DIS3L2: variants seen among roughly 807,000 people sequenced by gnomAD.
The protein encoded by DIS3L2 is DIS3-like exonuclease 2.
Under a neutral mutation model 97.5 loss-of-function variants are expected in DIS3L2, and 34 were observed. The observed-to-expected ratio is 0.35, with a 90% CI of 0.27 to 0.46. DIS3L2 has a LOEUF of 0.46. Among genes scored for constraint, DIS3L2 ranks in the 20% least tolerant of loss-of-function variants. DIS3L2 has a pLI of 1.00. For missense variants in DIS3L2, 1,038 were observed against 1,146.0 expected (o/e 0.91, Z 1.36); for synonymous variants, 435 against 445.2 (o/e 0.98, Z 0.29).
At chr2:232,042,803 C>T (rs1010320134) in intron 5 of DIS3L2, among the ~76,000 whole-genome samples, 19 of 152,178 alleles carry the variant, frequency 1.2e-4, no homozygotes, top group Non-Finnish European at 7.3e-5. Context: ...ATTTATTTCT[C>T]CTTAACCCCA....
chr2:232,172,463 A>G (rs556709351), intron 9 of DIS3L2, among the ~76,000 whole-genome samples: 2 of 152,342 alleles, frequency 1.3e-5, no homozygotes, highest in East Asian at 3.9e-4. Flanking sequence ...GTTGTTAAAT[A>G]TATCAGAACG....
At chr2:232,206,105 G>T (rs984982879) in intron 9 of DIS3L2, among the ~76,000 whole-genome samples, 1 of 152,176 alleles carries the variant, frequency 6.6e-6, no homozygotes, top group African/African-American at 2.4e-5. Flanking sequence ...GCAGTTCTTC[G>T]CATCTCCAAA....
intron 16 of DIS3L2, among the ~76,000 whole-genome samples, chr2:232,332,804 G>A: frequency 6.6e-6 from 1 of 152,226 alleles, no homozygotes; most frequent in East Asian, 1.9e-4. Context: ...GCACAGAGGT[G>A]CCCGGGTGAA....
At chr2:232,277,866 G>A (rs1056921695) in intron 13 of DIS3L2, among the ~76,000 whole-genome samples, 2 of 152,186 alleles carry the variant, frequency 1.3e-5, no homozygotes, top group Admixed American at 1.3e-4. Context: ...GCATGTGACT[G>A]TGCTGAATAC....
intron 8 of DIS3L2, among the ~76,000 whole-genome samples, chr2:232,155,018 C>T (rs1350870191): frequency 2.0e-5 from 3 of 149,290 alleles, no homozygotes; most frequent in Non-Finnish European, 3.0e-5. Context: ...CTCCCTGACC[C>T]CTTGCGCTTC....
chr2:232,333,878 A>G lies in DIS3L2; in HGVS notation c.2049A>G (p.Pro683=), dbSNP rs757277629. The change falls in exon 17 of 21, where the codon CCA becomes CCG. Residue 683 remains proline (P), a synonymous_variant. Transcript: ENST00000325385. ...TCTGCTCGGGGCTGCTGCAGGACCC[A>G]GCGCAGTTCCGGCACTACGCGCTCA... The part of the protein sequence containing the change: ...LYFCSGLLQD[P]AQFRHYALNV... 6.2e-6 allele frequency: 10 copies of G among 1,612,706 alleles called. No homozygotes were observed. The highest frequency in any genetic ancestry group is 1.7e-5 in the Admixed American group (1 of 59,990).
Position 232,333,870 on chromosome 2 carries a change from C to T in DIS3L2, c.2041C>T (p.Gln681Ter), listed in dbSNP as rs1695848013. The T allele has an allele frequency of 6.2e-7, 1 of 1,612,658 alleles. No homozygotes were observed. The highest frequency in any genetic ancestry group is 8.5e-7 in the Non-Finnish European group (1 of 1,179,810). Reference sequence around the variant, plus strand: ...ACTGTACTTCTGCTCGGGGCTGCTGCAGGACCCAGCGCAGTTCCGGCACTA... The same window carrying T: ...ACTGTACTTCTGCTCGGGGCTGCTGTAGGACCCAGCGCAGTTCCGGCACTA... Reference protein sequence around the residue: ...MALYFCSGLLQDPAQFRHYAL... With the variant: ...MALYFCSGLL The change falls in exon 17 of 21, where the codon CAG becomes TAG. Residue 681 changes from glutamine to a stop codon, truncating the protein, a stop_gained. Coordinates refer to ENST00000325385, the MANE Select transcript of DIS3L2 (RefSeq NM_152383.5). LOFTEE classifies it high-confidence loss of function.
In DIS3L2 at chr2:232,293,647, C is replaced by T. The variant is rs985248222; in HGVS notation, c.1660-6393C>T. 6.6e-6 allele frequency among the ~76,000 whole-genome samples: 1 copy of T among 152,184 alleles called. No homozygotes were observed. Among genetic ancestry groups the T allele is most frequent in the African/African-American group, 2.4e-5 (1 of 41,434 alleles). On this transcript the variant is annotated intron_variant, in intron 13 of 20. Coordinates refer to ENST00000325385, the MANE Select transcript of DIS3L2 (RefSeq NM_152383.5). The surrounding 1 kb of genome is among the most constrained non-coding windows in gnomAD (Gnocchi z 4.6). ...TCCTGTAAGACTCCTTCTGTCTGTC[C>T]TGAGGGCCTCCCTGGCTGGCACACC...
At chr2:231,986,299 A>G (rs1293999744) in intron 1 of DIS3L2, among the ~76,000 whole-genome samples, 4 of 152,170 alleles carry the variant, frequency 2.6e-5, no homozygotes, top group Admixed American at 2.0e-4. Flanking sequence ...TCCCTTTCAT[A>G]TATGCATATA....
rs908689259 is a variant in DIS3L2, at chr2:232,235,484, G to A, written c.1205-3049G>A. On this transcript the variant is annotated intron_variant, in intron 10 of 20. Coordinates refer to ENST00000325385, the MANE Select transcript of DIS3L2 (RefSeq NM_152383.5). ...GAGAATAAGAGAGCTTCTCTTTGCT[G>A]GTTTCAGAGGCTCTGCTGGGAATTC... 1.1e-4 allele frequency among the ~76,000 whole-genome samples: 16 copies of A among 152,176 alleles called. 1 individual carries two copies. Among genetic ancestry groups the A allele is most frequent in the South Asian group, 8.3e-4 (4 of 4,826 alleles).
chr2:232,311,011 T>C (rs998947830), intron 14 of DIS3L2, among the ~76,000 whole-genome samples: 1 of 152,160 alleles, frequency 6.6e-6, no homozygotes, highest in Non-Finnish European at 1.5e-5. Flanking sequence ...AGGGACAGAG[T>C]CTGAAGTCAT....
At chr2:232,082,067 A>G (rs1425550070) in intron 5 of DIS3L2, among the ~76,000 whole-genome samples, 4 of 152,120 alleles carry the variant, frequency 2.6e-5, no homozygotes, top group African/African-American at 4.8e-5. Context: ...TGGGATTGCA[A>G]GCATGAGCCA....
At chr2:232,165,826 T>A (rs537005808) in intron 9 of DIS3L2, among the ~76,000 whole-genome samples, 191 of 152,266 alleles carry the variant, frequency 1.3e-3, no homozygotes, top group Non-Finnish European at 1.7e-3. Context: ...CCACACCTGG[T>A]CCAAATCTTT....
intron 8 of DIS3L2, among the ~76,000 whole-genome samples, chr2:232,162,095 TA>T (rs1344577922): frequency 5.3e-5 from 8 of 152,344 alleles, no homozygotes; most frequent in African/African-American, 1.7e-4. Context: ...ATTCTTTTTT[TA>T]TTTCTTCTTT....
chr2:232,043,335 C>T (rs1053556391), intron 5 of DIS3L2, among the ~76,000 whole-genome samples: 1 of 152,126 alleles, frequency 6.6e-6, no homozygotes, highest in African/African-American at 2.4e-5. Context: ...CACTTCTGCT[C>T]ATAGCTCATT....
intron 17 of DIS3L2, 90 bp from the exon 18 acceptor site, chr2:232,334,279 G>T: frequency 6.8e-7 from 1 of 1,467,822 alleles, no homozygotes; most frequent in Admixed American, 2.0e-5. Context: ...ATCTGTCGGC[G>T]GGGGTGCAGC....
intron 1 of DIS3L2, among the ~76,000 whole-genome samples, chr2:231,995,909 A>G (rs961046206): frequency 2.0e-5 from 3 of 152,082 alleles, no homozygotes; most frequent in South Asian, 2.1e-4. Context: ...GGAGGGACTC[A>G]CTCTGGTTTC....
intron 9 of DIS3L2, chr2:232,172,829 G>A: frequency 1.9e-6 from 1 of 515,982 alleles, no homozygotes; most frequent in Non-Finnish European, 3.9e-6. Context: ...GTGTGGGGTA[G>A]TATCTCATTG....
chr2:232,021,948 A>G (rs1215023574), intron 3 of DIS3L2, among the ~76,000 whole-genome samples: 2 of 152,130 alleles, frequency 1.3e-5, no homozygotes, highest in Non-Finnish European at 2.9e-5. Flanking sequence ...GATGGAGGCT[A>G]TGGGATCCTC....
Sources: allele counts gnomAD v4.1 joint callset (sites outside exome capture counted in the v4.1 genomes callset), GRCh38; gene constraint gnomAD v4.1.1; non-coding constraint Gnocchi (gnomAD v3.1); transcripts MANE v1.5; gene names NCBI Gene and HGNC (gene_info 2026-07-23, HGNC 2026-07-21).